TBC1D32: variants seen among roughly 807,000 people sequenced by gnomAD.
TBC1D32 encodes protein broad-minded.
Under a neutral mutation model 170.3 loss-of-function variants are expected in TBC1D32, and 151 were observed. The ratio of observed to expected loss-of-function variants is 0.89; its 90% confidence interval spans 0.78 to 1.01. TBC1D32 has a LOEUF of 1.01. Ranked by LOEUF, TBC1D32 falls within the 50% of genes least tolerant of loss-of-function variation. The probability of loss-of-function intolerance (pLI) is 0.00; values close to 1 mark genes in which losing one functional copy is unlikely to be tolerated. For missense variants in TBC1D32, 1,464 were observed against 1,457.1 expected (o/e 1.00, Z -0.08); for synonymous variants, 498 against 488.0 (o/e 1.02, Z -0.27).
At chr6:121,292,915 C>T (rs894834196) in intron 11 of TBC1D32, among the ~76,000 whole-genome samples, 1 of 152,044 alleles carries the variant, frequency 6.6e-6, no homozygotes, top group African/African-American at 2.4e-5. Context: ...ATAGCTGTTA[C>T]GGAACGCTGA....
chr6:121,291,995 C>T, intron 12 of TBC1D32, 58 bp downstream of exon 12: 1 of 1,463,244 alleles, frequency 6.8e-7, no homozygotes, highest in Non-Finnish European at 9.1e-7. Flanking sequence ...TTTGAATACT[C>T]CACCATATAT....
chr6:121,277,752 T>A (rs545581889), intron 15 of TBC1D32, among the ~76,000 whole-genome samples: 2 of 148,340 alleles, frequency 1.3e-5, no homozygotes, highest in Non-Finnish European at 3.0e-5. Context: ...TAAGAAGAAA[T>A]AAAAAATTAG....
At chr6:121,115,343 T>C (rs1050354340) in intron 26 of TBC1D32, 102 bp from the exon 27 acceptor site, 16 of 817,106 alleles carry the variant, frequency 2.0e-5, no homozygotes, top group Non-Finnish European at 2.8e-5. Context: ...CATATTTTAA[T>C]GTGAATTTTG....
intron 30 of TBC1D32, among the ~76,000 whole-genome samples, chr6:121,095,525 A>G (rs1306087615): frequency 1.3e-5 from 2 of 152,150 alleles, no homozygotes; most frequent in Non-Finnish European, 2.9e-5. Flanking sequence ...TTCAAAGGGA[A>G]TGCTTCCAGT....
At chr6:121,263,950 A>C (rs1489016064) in intron 15 of TBC1D32, among the ~76,000 whole-genome samples, 2 of 152,192 alleles carry the variant, frequency 1.3e-5, no homozygotes, top group East Asian at 3.9e-4. Flanking sequence ...GTTAGGAGGG[A>C]AATTGATAGC....
At chr6:121,296,400 G>A (rs1196693561) in intron 10 of TBC1D32, among the ~76,000 whole-genome samples, 6 of 152,030 alleles carry the variant, frequency 3.9e-5, no homozygotes, top group South Asian at 2.1e-4. Flanking sequence ...TAAATCAAAC[G>A]TCAGGGATCC....
At chr6:121,093,447 C>A (rs1412058921) in intron 30 of TBC1D32, among the ~76,000 whole-genome samples, 6 of 152,156 alleles carry the variant, frequency 3.9e-5, no homozygotes, top group Non-Finnish European at 7.4e-5. Flanking sequence ...TAAGGCCATA[C>A]TGTGTTAATG....
chr6:121,175,157 A>G (rs1787595448), intron 22 of TBC1D32, among the ~76,000 whole-genome samples: 1 of 152,170 alleles, frequency 6.6e-6, no homozygotes, highest in African/African-American at 2.4e-5. Flanking sequence ...ATCAACCCAG[A>G]TATATAAGGC....
intron 26 of TBC1D32, 81 bp downstream of exon 26, chr6:121,126,297 C>T (rs772105247): frequency 2.9e-6 from 3 of 1,025,226 alleles, no homozygotes; most frequent in East Asian, 2.5e-5. Context: ...AACTGCCTAT[C>T]TGTAATATCA....
At chr6:121,266,976 C>T (rs757608179) in intron 15 of TBC1D32, among the ~76,000 whole-genome samples, 1 of 151,410 alleles carries the variant, frequency 6.6e-6, no homozygotes, top group Non-Finnish European at 1.5e-5. Flanking sequence ...GGCTTAATAC[C>T]TAAGTGAGGT....
At chr6:121,111,082 C>A (rs1779159918) in intron 29 of TBC1D32, among the ~76,000 whole-genome samples, 1 of 152,160 alleles carries the variant, frequency 6.6e-6, no homozygotes, top group Non-Finnish European at 1.5e-5. Context: ...TCACTCCCTT[C>A]CATTCATATA....
chr6:121,174,016 A>T (rs1487510927), intron 22 of TBC1D32, among the ~76,000 whole-genome samples: 1 of 152,164 alleles, frequency 6.6e-6, no homozygotes, highest in African/African-American at 2.4e-5. Flanking sequence ...GAATTAAACA[A>T]GTTTGATAAA....
In TBC1D32 at chr6:121,304,416, A is replaced by C. The variant is rs754818367; in HGVS notation, c.884T>G (p.Leu295Arg). The C allele has an allele frequency of 3.7e-6, 6 of 1,613,490 alleles. No homozygotes were observed. The highest frequency in any genetic ancestry group is 5.1e-6 in the Non-Finnish European group (6 of 1,179,654). Residue 295 changes from leucine to arginine, a missense_variant, in exon 8 of 32, where the codon CTA (leucine) becomes CGA (arginine). By Grantham distance (102) the Leu-to-Arg change is moderately radical. Around this residue, in one of 3 missense-constraint regions of TBC1D32, gnomAD observed 1,363 missense variants for 1,338.1 expected, o/e 1.02. Transcript: ENST00000398212. ...TGGAGCTTCTTTCTGATATTCATTT[A>C]GAAGACGAACCTACAAAGCAGTGCA... ...MTRLLKKVRL[L>R]NEYQKEAPSF...
At chr6:121,288,026 T>A (rs550215678) in intron 12 of TBC1D32, among the ~76,000 whole-genome samples, 56 of 152,056 alleles carry the variant, frequency 3.7e-4, no homozygotes, top group South Asian at 1.9e-3. Context: ...AATTTATAGC[T>A]CTAAATGCCC....
rs1290482828 is a variant in TBC1D32 at position 121,283,807 on chromosome 6, A to G, written c.1465+11T>C. ...TTTATATTTCTCTATTTAAAATAGA[A>G]ACAGAATTACCTGAATGGGCAGCTG... On this transcript the variant is annotated intron_variant, in intron 13 of 31. Coordinates refer to ENST00000398212, the MANE Select transcript of TBC1D32 (RefSeq NM_152730.6). 6.4e-7 allele frequency: 1 copy of G among 1,571,126 alleles called. No homozygotes were observed. Among genetic ancestry groups the G allele is most frequent in the Non-Finnish European group, 8.7e-7 (1 of 1,145,918 alleles).
At chr6:121,120,587 T>C (rs1159037051) in intron 26 of TBC1D32, among the ~76,000 whole-genome samples, 1 of 152,012 alleles carries the variant, frequency 6.6e-6, no homozygotes, top group Non-Finnish European at 1.5e-5. Context: ...TCACATAAAT[T>C]TTTATGTTCA....
chr6:121,205,867 T>A lies in TBC1D32; in HGVS notation c.2482-704A>T, dbSNP rs149159382. Among the ~76,000 whole-genome samples the A allele has an allele frequency of 8.5e-5, 13 of 152,276 alleles. No individual in the cohort carries two copies. In the East Asian group the frequency reaches 2.5e-3, roughly 29 times the overall value. On this transcript the variant is annotated intron_variant, in intron 21 of 31. Transcript: ENST00000398212. The stretch of plus-strand genomic sequence containing the variant: ...ACCTGATGATCTAGGTGCCAGCAGC[T>A]GTCCTAGCACTGACAATTTTAGCCA...
chr6:121,186,016 T>C (rs2128280004), intron 22 of TBC1D32, among the ~76,000 whole-genome samples: 1 of 152,146 alleles, frequency 6.6e-6, no homozygotes, highest in East Asian at 1.9e-4. Flanking sequence ...AATACATGAG[T>C]CTATGAACTA....
At position 121,080,394 on chromosome 6, in the gene TBC1D32, T is replaced by G. The variant is rs1260284311; in HGVS notation, c.*377A>C. The G allele has an allele frequency of 6.4e-6, 2 of 313,940 alleles. No homozygotes were observed. The highest frequency in any genetic ancestry group is 1.3e-5 in the Non-Finnish European group (2 of 150,966). 19.4% of individuals were successfully genotyped at this position (313,940 alleles called of 1,614,324 possible). A position where few individuals can be genotyped will look rare whatever the true frequency, so the allele number is the denominator to read the frequency against. On this transcript the variant is annotated 3_prime_UTR_variant, in exon 32 of 32. Transcript: ENST00000398212. ...CTGCACCCAGCTAATTTCAGTATTG[T>G]TAGCAGAGACGAGGTTTCACCATTT...
Sources: allele counts gnomAD v4.1 joint callset (sites outside exome capture counted in the v4.1 genomes callset), GRCh38; gene constraint gnomAD v4.1.1; regional missense constraint gnomAD v4.1.1; transcripts MANE v1.5; gene names NCBI Gene and HGNC (gene_info 2026-07-23, HGNC 2026-07-21).